LINGO2: variants seen among roughly 807,000 people sequenced by gnomAD.
LINGO2 encodes the protein leucine rich repeat and Ig domain containing 2.
LINGO2 carries 14 observed loss-of-function variants against 30.6 expected under a neutral mutation model. The ratio of observed to expected loss-of-function variants is 0.46; its 90% CI spans 0.30 to 0.72. The LOEUF is 0.72. Ranked by LOEUF, LINGO2 falls within the 30% of genes least tolerant of loss-of-function variation. The pLI is 0.07. For synonymous variants in LINGO2, 317 were observed against 288.5 expected (o/e 1.10, Z -1.00); for missense variants, 729 against 751.7 (o/e 0.97, Z 0.35).
chr9:28,502,718 G>GCC (rs1261403243), intron 1 of LINGO2, among the ~76,000 whole-genome samples: 1 of 152,060 alleles, frequency 6.6e-6, no homozygotes, highest in Non-Finnish European at 1.5e-5. Context: ...AAAGAATAAT[G>GCC]CCACTCAGCT....
the LINGO2 span, among the ~76,000 whole-genome samples, chr9:29,160,013 A>C: frequency 6.6e-5 from 10 of 152,212 alleles, no homozygotes; most frequent in Non-Finnish European, 1.5e-4. Context: ...CCAATTCTAG[A>C]GAAAGTAAAT....
intron 3 of LINGO2, among the ~76,000 whole-genome samples, chr9:28,323,977 G>A (rs1265735253): frequency 6.6e-6 from 1 of 152,072 alleles, no homozygotes; most frequent in African/African-American, 2.4e-5. Context: ...ATGCTCTAAG[G>A]CTCTTCCTTT....
rs10968233 is a variant in LINGO2 at position 27,966,585 on chromosome 9, C to T, written c.-35-15879G>A. On this transcript the variant is annotated intron_variant, in intron 5 of 5. Coordinates refer to ENST00000379992, the Ensembl canonical transcript of LINGO2. ...GGGCCTGTCAGGGGTTGTGAGGAAG[C>T]GGGAAGGAGAGCATTAGGACAAATA... Among the ~76,000 whole-genome samples, 1,438 of 151,954 alleles carry T rather than the reference C, an allele frequency of 9.5e-3. 117 individuals carry two copies. The East Asian group carries it at 0.19, about 20-fold the overall frequency.
At position 28,061,755 on chromosome 9, in the gene LINGO2, C is replaced by T. The variant is rs552565686; in HGVS notation, c.-86-49350G>A. ...AGCACAATCAAAGAAATGACAGTAACGCAAAATAGCATAGGAAAGTGATTA... is the reference window on the plus strand; with the variant it reads ...AGCACAATCAAAGAAATGACAGTAATGCAAAATAGCATAGGAAAGTGATTA... On this transcript the variant is annotated intron_variant, in intron 4 of 5. Coordinates refer to ENST00000379992, the Ensembl canonical transcript of LINGO2. Among the ~76,000 whole-genome samples, 16 of 152,024 alleles carry T rather than the reference C, an allele frequency of 1.1e-4. No homozygotes were observed. The East Asian group carries it at 1.2e-3, about 11-fold the overall frequency.
rs185600692 is a variant in LINGO2, at chr9:28,629,921, C to G, written c.-365+40279G>C. 8.3e-3 allele frequency among the ~76,000 whole-genome samples: 1,242 copies of G among 148,912 alleles called. 32 individuals are homozygous for G. The highest frequency in any genetic ancestry group is 0.038 in the Admixed American group (533 of 14,114). ...ATATCTCCCGATGCTATCCCTCCCC[C>G]ATCCCCCGACCCCACAACAGTCCCC... On this transcript the variant is annotated intron_variant, in intron 1 of 5. Transcript: ENST00000379992.
At chr9:28,986,909 A>C in the LINGO2 span, among the ~76,000 whole-genome samples, 1 of 151,978 alleles carries the variant, frequency 6.6e-6, no homozygotes, top group East Asian at 1.9e-4. Context: ...TGCAAGTTGG[A>C]GAACATCTGT....
chr9:28,894,861 G>T, the LINGO2 span, among the ~76,000 whole-genome samples: 1 of 151,956 alleles, frequency 6.6e-6, no homozygotes, highest in East Asian at 1.9e-4. Flanking sequence ...TTTGTAGTAA[G>T]AATACTTAAA....
At chr9:28,018,790 C>T (rs533343625) in intron 4 of LINGO2, among the ~76,000 whole-genome samples, 4 of 152,164 alleles carry the variant, frequency 2.6e-5, no homozygotes, top group South Asian at 2.1e-4. Flanking sequence ...GGTGATTTCT[C>T]AAGGAGCTTA....
At chr9:28,681,546 G>A in the LINGO2 span, among the ~76,000 whole-genome samples, 1 of 152,012 alleles carries the variant, frequency 6.6e-6, no homozygotes, top group Non-Finnish European at 1.5e-5. Flanking sequence ...AAAAGAAGTA[G>A]TAAGGAAAAA....
intron 1 of LINGO2, among the ~76,000 whole-genome samples, chr9:28,588,870 C>T (rs1824713435): frequency 6.6e-6 from 1 of 152,048 alleles, no homozygotes; most frequent in Non-Finnish European, 1.5e-5. Flanking sequence ...AGGCCAGTTC[C>T]TTCCTTCTAC....
intron 3 of LINGO2, among the ~76,000 whole-genome samples, chr9:28,319,592 A>G (rs949130407): frequency 1.3e-5 from 2 of 152,182 alleles, no homozygotes; most frequent in Admixed American, 6.5e-5. Flanking sequence ...AATGAATCTT[A>G]AATTTATGAC....
At chr9:28,420,103 T>C (rs1335960550) in intron 2 of LINGO2, among the ~76,000 whole-genome samples, 1 of 152,094 alleles carries the variant, frequency 6.6e-6, no homozygotes, top group Non-Finnish European at 1.5e-5. Context: ...CTTAGAGTCC[T>C]AGTATTACAA....
At position 28,047,598 on chromosome 9, in the gene LINGO2, T is replaced by C. The variant is rs1824483318; in HGVS notation, c.-86-35193A>G. 1.3e-5 allele frequency among the ~76,000 whole-genome samples: 2 copies of C among 150,348 alleles called. 1 individual carries two copies. The highest frequency in any genetic ancestry group is 1.3e-4 in the Admixed American group (2 of 15,036). ...ACCATGTGGCCCTAGACAGCTTACA[T>C]GATCAATCTACACCTCAGCTTCCTC... On this transcript the variant is annotated intron_variant, in intron 4 of 5. Coordinates refer to ENST00000379992, the Ensembl canonical transcript of LINGO2.
intron 4 of LINGO2, among the ~76,000 whole-genome samples, chr9:28,126,230 C>T (rs2133420661): frequency 6.6e-6 from 1 of 152,070 alleles, no homozygotes; most frequent in South Asian, 2.1e-4. Flanking sequence ...GGTGAAAGTT[C>T]CAGATAACTG....
chr9:28,472,550 T>A (rs1378170427), intron 2 of LINGO2, among the ~76,000 whole-genome samples: 1 of 152,196 alleles, frequency 6.6e-6, no homozygotes, highest in South Asian at 2.1e-4. Context: ...GTAATTTCCA[T>A]GCAATACAAA....
intron 4 of LINGO2, among the ~76,000 whole-genome samples, chr9:28,042,052 T>C (rs954032208): frequency 4.6e-5 from 7 of 152,274 alleles, no homozygotes; most frequent in African/African-American, 1.4e-4. Context: ...ATCTGTAAAA[T>C]GGGGAGAATA....
chr9:28,740,769 A>G, the LINGO2 span, among the ~76,000 whole-genome samples: 1 of 152,116 alleles, frequency 6.6e-6, no homozygotes, highest in South Asian at 2.1e-4. Flanking sequence ...TAATTAATAC[A>G]AACATTACTT....
chr9:28,241,870 C>T (rs948261720), intron 4 of LINGO2, among the ~76,000 whole-genome samples: 2 of 152,056 alleles, frequency 1.3e-5, no homozygotes, highest in African/African-American at 4.8e-5. Flanking sequence ...CTGCAGCAGC[C>T]CTACAGAAGA....
At chr9:28,841,464 A>G in the LINGO2 span, among the ~76,000 whole-genome samples, 7 of 151,952 alleles carry the variant, frequency 4.6e-5, 1 homozygote, top group Admixed American at 1.3e-4. Flanking sequence ...GAAAACATAC[A>G]CTATTTAAGG....
Sources: allele counts gnomAD v4.1 joint callset (sites outside exome capture counted in the v4.1 genomes callset), GRCh38; gene constraint gnomAD v4.1.1; transcripts MANE v1.5; gene names NCBI Gene and HGNC (gene_info 2026-07-23, HGNC 2026-07-21).